PPARGC1A: variants seen among roughly 807,000 people sequenced by gnomAD.
PPARGC1A encodes the protein peroxisome proliferator-activated receptor gamma coactivator 1-alpha.
PPARGC1A carries 25 observed loss-of-function variants against 88.7 expected under a neutral mutation model. That is an observed-to-expected ratio of 0.28 (90% CI 0.21 to 0.39). The LOEUF is 0.39. PPARGC1A is among the 10% of genes least tolerant of loss of function. The pLI, the probability that PPARGC1A is intolerant of heterozygous loss-of-function variation, is 1.00. For missense variants in PPARGC1A, 880 were observed against 968.7 expected (o/e 0.91, Z 1.22); for synonymous variants, 363 against 355.6 (o/e 1.02, Z -0.24).
the PPARGC1A span, among the ~76,000 whole-genome samples, chr4:24,139,705 C>T: frequency 6.6e-6 from 1 of 151,990 alleles, no homozygotes; most frequent in South Asian, 2.1e-4. Context: ...CTGTGCGTGC[C>T]CTTGTATGAG....
upstream of PPARGC1A, among the ~76,000 whole-genome samples, chr4:23,899,803 A>G (rs1719074006): frequency 6.6e-6 from 1 of 152,156 alleles, no homozygotes; most frequent in Admixed American, 6.5e-5. Flanking sequence ...GTCAACCGGG[A>G]GGAAGGCTCC....
At chr4:24,129,021 G>C in the PPARGC1A span, among the ~76,000 whole-genome samples, 1 of 152,182 alleles carries the variant, frequency 6.6e-6, no homozygotes, top group African/African-American at 2.4e-5. Context: ...CACATCAAAT[G>C]GCAGAAATGT....
chr4:24,206,709 A>G, the PPARGC1A span, among the ~76,000 whole-genome samples: 290 of 152,068 alleles, frequency 1.9e-3, no homozygotes, highest in African/African-American at 6.8e-3. Flanking sequence ...GGGTAGTGGC[A>G]CGTGCCTGTA....
At chr4:23,821,860 C>G (rs186084422) in intron 7 of PPARGC1A, among the ~76,000 whole-genome samples, 26 of 152,050 alleles carry the variant, frequency 1.7e-4, no homozygotes, top group Admixed American at 1.6e-3. Flanking sequence ...GCCCAACATC[C>G]AAGCCAAGGT....
intron 4 of PPARGC1A, 54 bp from the exon 5 acceptor site, chr4:23,828,658 A>T: frequency 3.3e-6 from 5 of 1,525,494 alleles, no homozygotes; most frequent in Non-Finnish European, 4.5e-6. Flanking sequence ...CCTTATCAGA[A>T]TGGATATAGG....
chr4:23,979,767 G>T, the PPARGC1A span, among the ~76,000 whole-genome samples: 1 of 152,112 alleles, frequency 6.6e-6, no homozygotes, highest in Non-Finnish European at 1.5e-5. Context: ...GTTTTGCTTC[G>T]CCTCTATTCA....
At chr4:24,470,271 G>GACAC in the PPARGC1A span, among the ~76,000 whole-genome samples, 55 of 72,010 alleles carry the variant, frequency 7.6e-4, no homozygotes, top group South Asian at 2.7e-3. This position sits in a 1 kb window ranked among gnomAD's most constrained non-coding sequence, Gnocchi z 5.8. Context: ...CTCATCGACA[G>GACAC]ACACAGACAC....
chr4:24,362,094 G>C, the PPARGC1A span, among the ~76,000 whole-genome samples: 19 of 152,136 alleles, frequency 1.2e-4, no homozygotes, highest in Admixed American at 1.3e-4. Flanking sequence ...CCATTTATCC[G>C]AATATTCTTC....
At chr4:24,041,205 T>A in the PPARGC1A span, among the ~76,000 whole-genome samples, 48 of 152,264 alleles carry the variant, frequency 3.2e-4, no homozygotes, top group South Asian at 3.9e-3. Flanking sequence ...GCCTTCCACA[T>A]CTGATTAGGT....
the PPARGC1A span, among the ~76,000 whole-genome samples, chr4:23,996,266 C>T: frequency 2.0e-5 from 3 of 152,132 alleles, no homozygotes; most frequent in Non-Finnish European, 2.9e-5. Context: ...TGCAAAGTCC[C>T]AAGTCACATG....
the PPARGC1A span, among the ~76,000 whole-genome samples, chr4:24,154,451 A>C: frequency 6.6e-6 from 1 of 152,242 alleles, no homozygotes; most frequent in Non-Finnish European, 1.5e-5. Flanking sequence ...GCAGAGCTTT[A>C]AAATTGTTGA....
chr4:24,046,643 T>G, the PPARGC1A span, among the ~76,000 whole-genome samples: 2 of 152,202 alleles, frequency 1.3e-5, no homozygotes, highest in Admixed American at 6.5e-5. Flanking sequence ...CTGTTGGCTA[T>G]GTGTTCATCA....
At chr4:24,266,414 T>C in the PPARGC1A span, among the ~76,000 whole-genome samples, 8 of 152,070 alleles carry the variant, frequency 5.3e-5, no homozygotes, top group Non-Finnish European at 1.0e-4. Context: ...CTTGGGGTCA[T>C]GGGTTTAGCA....
the PPARGC1A span, among the ~76,000 whole-genome samples, chr4:24,161,929 C>T: frequency 1.3e-5 from 2 of 149,986 alleles, no homozygotes; most frequent in African/African-American, 5.0e-5. Flanking sequence ...CCCAAATGCC[C>T]ATCTCAATGA....
rs1198421601 is a variant in PPARGC1A at position 23,795,179 on chromosome 4, T to A, written c.*643A>T. ...TGCTTCAAGTTGATTCTGCACTTTC[T>A]TAAAAAAACAGAGTACAAAGGCTGA... On this transcript the variant is annotated 3_prime_UTR_variant, in exon 13 of 13. Transcript: ENST00000264867. 1.3e-5 allele frequency: 2 copies of A among 151,772 alleles called. No individual in the cohort carries two copies. Among genetic ancestry groups the A allele is most frequent in the African/African-American group, 4.8e-5 (2 of 41,246 alleles). The allele number at this position is 151,772 out of a possible 1,614,324, so 9.4% of individuals were successfully genotyped here. A position where few individuals can be genotyped will look rare whatever the true frequency, so the allele number is the denominator to read the frequency against.
At chr4:23,846,179 A>C (rs960552159) in intron 2 of PPARGC1A, among the ~76,000 whole-genome samples, 1 of 152,188 alleles carries the variant, frequency 6.6e-6, no homozygotes, top group Non-Finnish European at 1.5e-5. Context: ...AAAAGGAAAA[A>C]CATGCCATTT....
the PPARGC1A span, among the ~76,000 whole-genome samples, chr4:23,951,555 T>G: frequency 3.9e-5 from 6 of 152,100 alleles, no homozygotes; most frequent in Non-Finnish European, 8.8e-5. Flanking sequence ...AAAACCCAAA[T>G]GTATAACAGA....
the PPARGC1A span, among the ~76,000 whole-genome samples, chr4:23,987,657 G>A: frequency 0.015 from 2,213 of 151,916 alleles, 59 homozygotes; most frequent in African/African-American, 0.051. Flanking sequence ...CTGTATTCTA[G>A]CACATACACT....
chr4:24,310,315 C>T, the PPARGC1A span, among the ~76,000 whole-genome samples: 9 of 152,262 alleles, frequency 5.9e-5, no homozygotes, highest in East Asian at 1.4e-3. Flanking sequence ...AGTCACAAAG[C>T]GACAGTATCT....
Sources: allele counts gnomAD v4.1 joint callset (sites outside exome capture counted in the v4.1 genomes callset), GRCh38; gene constraint gnomAD v4.1.1; non-coding constraint Gnocchi (gnomAD v3.1); transcripts MANE v1.5; gene names NCBI Gene and HGNC (gene_info 2026-07-23, HGNC 2026-07-21).